Variants in RPTOR observed in about 807,000 individuals in gnomAD.
The protein encoded by RPTOR is regulatory associated protein of MTOR complex 1.
RPTOR carries 21 observed loss-of-function variants against 169.9 expected under a neutral mutation model. The ratio of observed to expected loss-of-function variants is 0.12; its 90% confidence interval spans 0.09 to 0.18. The LOEUF (loss-of-function observed/expected upper bound fraction) is 0.18. RPTOR is among the 10% of genes least tolerant of loss of function. RPTOR has a pLI of 1.00. For synonymous variants in RPTOR, 732 were observed against 753.2 expected (o/e 0.97, Z 0.46); for missense variants, 1,133 against 1,855.9 (o/e 0.61, Z 7.16).
chr17:80,894,709 G>T (rs901111476), intron 20 of RPTOR, among the ~76,000 whole-genome samples: 1 of 152,166 alleles, frequency 6.6e-6, no homozygotes, highest in Non-Finnish European at 1.5e-5. Flanking sequence ...TTTTTTTCAT[G>T]TTAAGGAGCA....
chr17:80,557,740 C>T (rs2084428699), intron 1 of RPTOR, among the ~76,000 whole-genome samples: 1 of 151,000 alleles, frequency 6.6e-6, no homozygotes, highest in Admixed American at 6.6e-5. Context: ...GCCTGGCCAA[C>T]ATGGTGAAAC....
intron 24 of RPTOR, among the ~76,000 whole-genome samples, chr17:80,939,356 G>A (rs866446584): frequency 1.2e-4 from 19 of 152,344 alleles, no homozygotes; most frequent in African/African-American, 4.3e-4. Flanking sequence ...CACACACACA[G>A]ACACATGCAC....
intron 24 of RPTOR, among the ~76,000 whole-genome samples, chr17:80,926,060 G>C (rs545764351): frequency 1.3e-5 from 2 of 152,176 alleles, no homozygotes; most frequent in Non-Finnish European, 2.9e-5. Flanking sequence ...GCAGGGACTC[G>C]TGGAGATTTT....
In RPTOR at chr17:80,908,396, A is replaced by T. The variant is rs545320627; in HGVS notation, c.2402-415A>T. On this transcript the variant is annotated intron_variant, in intron 20 of 33. Coordinates refer to ENST00000306801, the MANE Select transcript of RPTOR (RefSeq NM_020761.3). ...CACTCCCTGGGTCACAGTGCACAGC[A>T]GCACGTGCTGAACTTGGTGCAGTGC... Among the ~76,000 whole-genome samples the T allele has an allele frequency of 2.0e-5, 3 of 152,322 alleles. No individual in the cohort carries two copies. In the East Asian group the frequency reaches 5.8e-4, roughly 29 times the overall value.
In RPTOR at chr17:80,644,804, G is replaced by A. The variant is rs188494673; in HGVS notation, c.348+994G>A. Among the ~76,000 whole-genome samples, 269 of 152,298 alleles carry A rather than the reference G, an allele frequency of 1.8e-3. 1 individual carries two copies. The highest frequency in any genetic ancestry group is 6.8e-3 in the Middle Eastern group (2 of 294). ...TGAATTTTTTCCTGCCTTTAAAAATGCCCTTAGGTCATTTCTGCTGTTGCT... is the reference window on the plus strand; with the variant it reads ...TGAATTTTTTCCTGCCTTTAAAAATACCCTTAGGTCATTTCTGCTGTTGCT... On this transcript the variant is annotated intron_variant, in intron 3 of 33. Coordinates refer to ENST00000306801, the MANE Select transcript of RPTOR (RefSeq NM_020761.3).
intron 1 of RPTOR, among the ~76,000 whole-genome samples, chr17:80,577,563 G>C (rs1188554927): frequency 6.6e-6 from 1 of 152,216 alleles, no homozygotes; most frequent in Non-Finnish European, 1.5e-5. Context: ...AGAGGCGTGA[G>C]CCATTGCGCC....
intron 9 of RPTOR, among the ~76,000 whole-genome samples, chr17:80,828,940 C>T (rs1325992402): frequency 1.3e-5 from 2 of 152,100 alleles, no homozygotes; most frequent in Non-Finnish European, 2.9e-5. Flanking sequence ...ATTGCATCAG[C>T]AATATAGTTA....
At chr17:80,871,054 T>C (rs1598366595) in intron 13 of RPTOR, among the ~76,000 whole-genome samples, 1 of 152,206 alleles carries the variant, frequency 6.6e-6, no homozygotes, top group East Asian at 1.9e-4. Context: ...CTTGACAGCT[T>C]TCAGGGGTAC....
intron 6 of RPTOR, among the ~76,000 whole-genome samples, chr17:80,776,710 A>G (rs1368499292): frequency 6.6e-6 from 1 of 152,144 alleles, no homozygotes; most frequent in Admixed American, 6.5e-5. Flanking sequence ...ACACAACATT[A>G]TTTTCAGAGA....
intron 1 of RPTOR, among the ~76,000 whole-genome samples, chr17:80,584,647 C>T: frequency 6.6e-6 from 1 of 152,192 alleles, no homozygotes; most frequent in Non-Finnish European, 1.5e-5. Context: ...CCCCTTTTGA[C>T]TTCTTTGGGG....
At chr17:80,798,089 G>A (rs934214898) in intron 7 of RPTOR, among the ~76,000 whole-genome samples, 4 of 152,214 alleles carry the variant, frequency 2.6e-5, no homozygotes, top group Middle Eastern at 3.2e-3. Context: ...CTGAGTTGAC[G>A]CTGGGACCAG....
rs892288575 is a variant in RPTOR at position 80,947,107 on chromosome 17, G to A, written c.3141-120G>A. On this transcript the variant is annotated intron_variant, in intron 26 of 33. Coordinates refer to ENST00000306801, the MANE Select transcript of RPTOR (RefSeq NM_020761.3). The surrounding 1 kb of genome is among the most constrained non-coding windows in gnomAD (Gnocchi z 4.4). ...GCTAGGATGACAGGTGTGAGCCGCC[G>A]TGCCCGGCTGTGGTGTGTGGTTTTT... 3.7e-5 allele frequency: 37 copies of A among 992,444 alleles called. No homozygotes were observed. The highest frequency in any genetic ancestry group is 1.2e-4 in the South Asian group (6 of 50,820). 61.5% of individuals were successfully genotyped at this position (992,444 alleles called of 1,614,324 possible).
intron 3 of RPTOR, among the ~76,000 whole-genome samples, chr17:80,692,481 C>G (rs1454762540): frequency 6.6e-6 from 1 of 152,156 alleles, no homozygotes; most frequent in Non-Finnish European, 1.5e-5. Flanking sequence ...GCCACCATGC[C>G]CAGCTAATTT....
intron 5 of RPTOR, among the ~76,000 whole-genome samples, chr17:80,744,343 CCCTGGCTACTAGCACTGT>C (rs2066536642): frequency 3.9e-5 from 4 of 101,814 alleles, no homozygotes; most frequent in African/African-American, 1.3e-4. Context: ...ACTAGCACAG[CCCTGGCTACTAGCACTGT>C]CCTGGTTACG....
chr17:80,715,242 C>T (rs1427059342), intron 4 of RPTOR, among the ~76,000 whole-genome samples: 1 of 152,076 alleles, frequency 6.6e-6, no homozygotes, highest in Non-Finnish European at 1.5e-5. Flanking sequence ...TTATCAACAT[C>T]AGCAATGAAG....
chr17:80,813,540 C>T (rs937181037), intron 7 of RPTOR, among the ~76,000 whole-genome samples: 2 of 152,238 alleles, frequency 1.3e-5, no homozygotes, highest in African/African-American at 4.8e-5. Context: ...TCTCCTGTTA[C>T]TCCAGCCCCC....
At chr17:80,632,780 C>G (rs1345463556) in intron 2 of RPTOR, among the ~76,000 whole-genome samples, 1 of 152,078 alleles carries the variant, frequency 6.6e-6, no homozygotes, top group African/African-American at 2.4e-5. Flanking sequence ...TAGCAGCCCA[C>G]TTTTATTTTT....
intron 5 of RPTOR, chr17:80,743,211 C>G (rs1358393753): frequency 3.1e-6 from 3 of 983,418 alleles, no homozygotes; most frequent in Admixed American, 1.2e-4. Flanking sequence ...AGCCAAGGCT[C>G]TCTCTCTTAT....
chr17:80,618,405 C>CTT (rs2065329214), intron 1 of RPTOR, among the ~76,000 whole-genome samples: 1 of 152,190 alleles, frequency 6.6e-6, no homozygotes, highest in Non-Finnish European at 1.5e-5. Context: ...CTTATTTTGA[C>CTT]TTTCAGAAAT....
Sources: allele counts gnomAD v4.1 joint callset (sites outside exome capture counted in the v4.1 genomes callset), GRCh38; gene constraint gnomAD v4.1.1; non-coding constraint Gnocchi (gnomAD v3.1); transcripts MANE v1.5; gene names NCBI Gene and HGNC (gene_info 2026-07-23, HGNC 2026-07-21).